MIA2: variants seen among roughly 807,000 people sequenced by gnomAD.
MIA2 encodes melanoma inhibitory activity protein 2.
Under a neutral mutation model 167.8 loss-of-function variants are expected in MIA2, and 127 were observed. The ratio of observed to expected loss-of-function variants is 0.76; its 90% CI spans 0.66 to 0.88. The LOEUF (loss-of-function observed/expected upper bound fraction) is 0.88. Among genes scored for constraint, MIA2 ranks in the 40% least tolerant of loss-of-function variants. The pLI is 0.00. For missense variants in MIA2, 1,690 were observed against 1,624.7 expected, an observed-to-expected ratio of 1.04 and a Z score of -0.69; for synonymous variants, 552 against 541.9, an observed-to-expected ratio of 1.02 and a Z score of -0.26.
chr14:39,298,130 A>C (rs748888775), intron 13 of MIA2, among the ~76,000 whole-genome samples: 1 of 151,920 alleles, frequency 6.6e-6, no homozygotes, highest in Non-Finnish European at 1.5e-5. Context: ...TAAATTTGCC[A>C]TGTTATGATC....
In MIA2 at chr14:39,276,940, G is replaced by A. The variant is rs1403068791; in HGVS notation, c.1894G>A (p.Ala632Thr). The change falls in exon 7 of 29, where the codon GCA becomes ACA. Residue 632 changes from alanine (A) to threonine (T), a missense_variant. Transcript: ENST00000640607. ...ACTTTTCTTTATCTTGAAGGTTGTGGCAGCACTGCCTGAAGGTATGAGACC... is the reference window on the plus strand; with the variant it reads ...ACTTTTCTTTATCTTGAAGGTTGTGACAGCACTGCCTGAAGGTATGAGACC... ...PIVILTERVV[A>T]ALPEGMRPDS... 1 of 1,612,150 alleles carries A rather than the reference G, an allele frequency of 6.2e-7. No individual in the cohort carries two copies. The highest frequency in any genetic ancestry group is 8.5e-7 in the Non-Finnish European group (1 of 1,179,560).
In MIA2 at chr14:39,250,552, TG is replaced by T. The variant is rs952680552; in HGVS notation, c.1568-2193del. Among the ~76,000 whole-genome samples, 7 of 151,810 alleles carry T rather than the reference TG, an allele frequency of 4.6e-5. 1 individual carries two copies. Among genetic ancestry groups the T allele is most frequent in the African/African-American group, 1.7e-4 (7 of 41,310 alleles). On this transcript the variant is annotated intron_variant, in intron 4 of 28. Transcript: ENST00000640607. Reference sequence around the variant, plus strand: ...CTCTACTAAAAATAGAAAAATTAGCTGGGCATGGTGGTGTGCCCCTGTAATC... The same window carrying T: ...CTCTACTAAAAATAGAAAAATTAGCTGGCATGGTGGTGTGCCCCTGTAATC...
intron 2 of MIA2, among the ~76,000 whole-genome samples, chr14:39,239,325 C>T (rs1327242470): frequency 6.6e-6 from 1 of 152,040 alleles, no homozygotes; most frequent in Non-Finnish European, 1.5e-5. Context: ...GCAGGAGGAA[C>T]ACTTGAGACC....
chr14:39,249,425 A>G (rs888375568), intron 4 of MIA2, among the ~76,000 whole-genome samples: 13 of 152,162 alleles, frequency 8.5e-5, no homozygotes, highest in African/African-American at 2.7e-4. Context: ...TACAGGCTCA[A>G]GGGATCCTCC....
Position 39,252,734 on chromosome 14 carries a change from T to C in MIA2, c.1568-14T>C, listed in dbSNP as rs924705685. On this transcript the variant is annotated splice_polypyrimidine_tract_variant and intron_variant, in intron 4 of 28. Transcript: ENST00000640607. ...GTATTTTGGAAAAACACATTTCTTT[T>C]TATTTATTTGTAGATATGGTCTCTA... 1 of 1,580,998 alleles carries C rather than the reference T, an allele frequency of 6.3e-7. No homozygotes were observed. The highest frequency in any genetic ancestry group is 1.8e-5 in the Admixed American group (1 of 56,546).
intron 13 of MIA2, among the ~76,000 whole-genome samples, chr14:39,298,413 TTATATA>T (rs71130838): frequency 2.3e-4 from 6 of 26,152 alleles, no homozygotes; most frequent in African/African-American, 8.3e-4. Flanking sequence ...TGATTCTGTT[TTATATA>T]TATATATATA....
chr14:39,363,584 A>G (rs2074746894), intron 23 of MIA2, among the ~76,000 whole-genome samples: 1 of 152,214 alleles, frequency 6.6e-6, no homozygotes, highest in Admixed American at 6.5e-5. Context: ...GATCTGTCTG[A>G]TGCTGGGAGA....
downstream of MIA2, among the ~76,000 whole-genome samples, chr14:39,355,860 A>T (rs1281722033): frequency 1.3e-5 from 2 of 151,980 alleles, no homozygotes; most frequent in Non-Finnish European, 2.9e-5. Context: ...ATGTTTATTG[A>T]TTTGCGTATG....
At chr14:39,309,006 G>A (rs1340054683) in intron 18 of MIA2, among the ~76,000 whole-genome samples, 2 of 152,128 alleles carry the variant, frequency 1.3e-5, no homozygotes, top group Non-Finnish European at 2.9e-5. Context: ...CCTTTACTTA[G>A]TTACTTAGGG....
At chr14:39,294,736 A>G (rs184582609) in intron 12 of MIA2, among the ~76,000 whole-genome samples, 189 bp from the exon 13 acceptor site, 2 of 152,276 alleles carry the variant, frequency 1.3e-5, no homozygotes, top group African/African-American at 4.8e-5. Context: ...CATCGTAGCA[A>G]GTTAGTGGGA....
chr14:39,337,689 G>C (rs1019805495), intron 25 of MIA2, among the ~76,000 whole-genome samples: 2 of 151,992 alleles, frequency 1.3e-5, no homozygotes, highest in African/African-American at 4.8e-5. Context: ...AGTCTCAAAA[G>C]TTTACATACT....
chr14:39,347,085 A>G (rs1334831940), intron 26 of MIA2, among the ~76,000 whole-genome samples: 1 of 152,118 alleles, frequency 6.6e-6, no homozygotes, highest in African/African-American at 2.4e-5. Context: ...ATGACCAGTA[A>G]GACAAGGACA....
chr14:39,311,594 C>T (rs2064286532), intron 18 of MIA2, among the ~76,000 whole-genome samples: 1 of 150,188 alleles, frequency 6.7e-6, no homozygotes, highest in South Asian at 2.1e-4. Flanking sequence ...TCTCCTTCCT[C>T]AGCCTCCCGA....
chr14:39,345,227 C>T (rs548378217), intron 25 of MIA2, among the ~76,000 whole-genome samples: 86 of 152,098 alleles, frequency 5.7e-4, no homozygotes, highest in African/African-American at 1.9e-3. Context: ...TTACAGACTA[C>T]CATGCCTGGC....
intron 13 of MIA2, among the ~76,000 whole-genome samples, chr14:39,295,452 C>A (rs1203455844): frequency 6.6e-6 from 1 of 152,142 alleles, no homozygotes; most frequent in Non-Finnish European, 1.5e-5. Flanking sequence ...TTCTTCTTCT[C>A]CTTTGCCAAT....
At chr14:39,267,100 G>A in intron 6 of MIA2, 1 of 1,117,950 alleles carries the variant, frequency 8.9e-7, no homozygotes, top group Non-Finnish European at 1.1e-6. Context: ...CTTGCGCGAA[G>A]AAGGGGAAGT....
intron 24 of MIA2, among the ~76,000 whole-genome samples, chr14:39,324,350 G>A (rs6571920): frequency 0.2 from 30,386 of 152,116 alleles, 3,023 homozygotes; most frequent in Middle Eastern, 0.28. Context: ...TTAGGATGAA[G>A]AAGCGAGAAG....
intron 3 of MIA2, among the ~76,000 whole-genome samples, chr14:39,244,673 C>G (rs1271698518): frequency 6.6e-6 from 1 of 152,134 alleles, no homozygotes; most frequent in Non-Finnish European, 1.5e-5. Flanking sequence ...AAGTCTTCAT[C>G]ATGTTTCTTC....
chr14:39,275,661 G>T (rs1277494822), intron 6 of MIA2, among the ~76,000 whole-genome samples: 3 of 152,198 alleles, frequency 2.0e-5, no homozygotes, highest in African/African-American at 7.2e-5. Flanking sequence ...AAAGTAAGAT[G>T]CTTGGAAAAT....
Sources: gnomAD v4.1 joint callset for allele counts (sites outside exome capture counted in the v4.1 genomes callset) on GRCh38, gnomAD v4.1.1 for gene constraint, MANE v1.5 for transcripts, NCBI Gene and HGNC (gene_info 2026-07-23, HGNC 2026-07-21) for gene names.